The following ZBTB11 variants were observed in gnomAD, a reference collection of about 807,000 sequenced individuals.
ZBTB11 encodes zinc finger and BTB domain containing 11, also known as zinc finger and BTB domain-containing protein 11.
Under a neutral mutation model 113.1 loss-of-function variants are expected in ZBTB11, and 68 were observed. The observed-to-expected ratio is 0.60, with a 90% CI of 0.49 to 0.74. The LOEUF (loss-of-function observed/expected upper bound fraction) is 0.74. ZBTB11 is among the 30% of genes least tolerant of loss of function. The pLI is 0.00. For synonymous variants in ZBTB11, 518 were observed against 452.6 expected (o/e 1.14, Z -1.83); for missense variants, 1,104 against 1,279.4 (o/e 0.86, Z 2.09).
intron 5 of ZBTB11, among the ~76,000 whole-genome samples, chr3:101,663,230 AC>A (rs1414317354): frequency 3.3e-5 from 5 of 151,288 alleles, no homozygotes; most frequent in Non-Finnish European, 4.4e-5. Context: ...GAGCCACCGC[AC>A]CCAGCCAATT....
At chr3:101,655,983 GT>G in intron 7 of ZBTB11, 120 bp downstream of exon 7, 1 of 860,112 alleles carries the variant, frequency 1.2e-6, no homozygotes, top group South Asian at 2.8e-5. Context: ...TTAAAATACT[GT>G]CTCAATACAA....
At chr3:101,660,221 TAAC>T (rs1424248867) in intron 5 of ZBTB11, among the ~76,000 whole-genome samples, 193 bp from the exon 6 acceptor site, 1 of 152,178 alleles carries the variant, frequency 6.6e-6, no homozygotes, top group African/African-American at 2.4e-5. Flanking sequence ...GGCTAAAGTC[TAAC>T]AACAGCACAA....
Position 101,654,689 on chromosome 3 carries a change from A to G in ZBTB11, c.2309+15T>C, listed in dbSNP as rs1251610248. The stretch of plus-strand genomic sequence containing the variant: ...TAATTAAATTAACTGAATGCCTCAC[A>G]TATTGAATACTTACTGAGTACAATG... On this transcript the variant is annotated intron_variant, in intron 8 of 10. Transcript: ENST00000312938. The G allele has an allele frequency of 6.3e-7, 1 of 1,591,816 alleles. No homozygotes were observed. The highest frequency in any genetic ancestry group is 1.1e-5 in the South Asian group (1 of 89,478).
At chr3:101,670,892 G>T (rs2108327081) in intron 3 of ZBTB11, 1 of 447,608 alleles carries the variant, frequency 2.2e-6, no homozygotes, top group East Asian at 3.3e-5. Context: ...TTAAATCCTA[G>T]AAATTCTTTT....
intron 6 of ZBTB11, among the ~76,000 whole-genome samples, chr3:101,656,544 T>C (rs867988517): frequency 3.9e-5 from 6 of 152,170 alleles, no homozygotes; most frequent in Non-Finnish European, 8.8e-5. Context: ...ACAGTATACC[T>C]TATATTAAGA....
rs141886072 is a variant in ZBTB11 at position 101,673,582 on chromosome 3, C to T, written c.311-1369G>A. On this transcript the variant is annotated intron_variant, in intron 1 of 10. Coordinates refer to ENST00000312938, the MANE Select transcript of ZBTB11 (RefSeq NM_014415.4). ...AGGCTGGAGTGCAGTGGTGGGATCC[C>T]GGCTCACTGCAACCTCCGCCTCCTG... is the stretch of plus-strand genomic sequence containing the variant. Among the ~76,000 whole-genome samples the T allele has an allele frequency of 8.9e-3, 1,349 of 151,974 alleles. 20 individuals are homozygous for T. The highest frequency in any genetic ancestry group is 0.031 in the African/African-American group (1,295 of 41,420).
chr3:101,673,553 GC>G (rs1937115569), intron 1 of ZBTB11, among the ~76,000 whole-genome samples: 1 of 150,112 alleles, frequency 6.7e-6, no homozygotes, highest in Non-Finnish European at 1.5e-5. Flanking sequence ...TCTCTCTGTT[GC>G]CCAGGCTGGA....
Position 101,659,930 on chromosome 3 carries a change from C to A in ZBTB11, c.1899G>T (p.Thr633=). The A allele has an allele frequency of 2.5e-6, 4 of 1,614,042 alleles. No homozygotes were observed. The highest frequency in any genetic ancestry group is 3.4e-6 in the Non-Finnish European group (4 of 1,180,002). ...DAPSSSSSNS[T]SNEASGTSSE... is the part of the protein sequence containing the mutation. ...ATGATGTTCCCGATGCTTCATTAGA[C>A]GTGGAATTGGACGAGGATGAAGAGG... The change falls in exon 6 of 11, where the codon ACG becomes ACT. Residue 633 remains threonine (T), a synonymous_variant. Transcript: ENST00000312938.
intron 10 of ZBTB11, 126 bp from the exon 11 acceptor site, chr3:101,651,809 CAA>C: frequency 2.9e-6 from 3 of 1,018,606 alleles, no homozygotes; most frequent in Non-Finnish European, 4.0e-6. Flanking sequence ...TGGACTGTGG[CAA>C]TCTTTTATTT....
At chr3:101,674,032 CTGTT>C (rs1295536668) in intron 1 of ZBTB11, among the ~76,000 whole-genome samples, 6 of 102,744 alleles carry the variant, frequency 5.8e-5, no homozygotes, top group East Asian at 6.0e-4. Context: ...TTCACAGAGA[CTGTT>C]TTTTTTTTTT....
At chr3:101,667,530 C>T (rs986980453) in intron 3 of ZBTB11, among the ~76,000 whole-genome samples, 3 of 152,056 alleles carry the variant, frequency 2.0e-5, no homozygotes, top group African/African-American at 4.8e-5. Flanking sequence ...AAAGAACCCA[C>T]GAAGGATGAA....
chr3:101,666,529 CAT>C (rs1031658983), intron 3 of ZBTB11, among the ~76,000 whole-genome samples: 11 of 152,180 alleles, frequency 7.2e-5, no homozygotes, highest in African/African-American at 2.7e-4. Context: ...TTACTATACA[CAT>C]GAGGTATTAC....
In ZBTB11 at chr3:101,650,293, AGTTT is replaced by A. The variant is rs531913501; in HGVS notation, c.*869_*872del. ...CAAAAGCTGAAAACATACCAAATCTAGTTTGTTTGTTCATTAACTTGTTCATTCT... is the reference window on the plus strand; with the variant it reads ...CAAAAGCTGAAAACATACCAAATCTAGTTTGTTCATTAACTTGTTCATTCT... On this transcript the variant is annotated 3_prime_UTR_variant, in exon 11 of 11. Coordinates refer to ENST00000312938, the MANE Select transcript of ZBTB11 (RefSeq NM_014415.4). The A allele has an allele frequency of 1.4e-4, 21 of 152,410 alleles. No homozygotes were observed. Among genetic ancestry groups the A allele is most frequent in the South Asian group, 1.0e-3 (5 of 4,832 alleles). 9.4% of individuals were successfully genotyped at this position (152,410 alleles called of 1,614,324 possible).
intron 3 of ZBTB11, 58 bp from the exon 4 acceptor site, chr3:101,665,866 G>T: frequency 6.9e-7 from 1 of 1,443,020 alleles, no homozygotes; most frequent in Non-Finnish European, 9.4e-7. Flanking sequence ...AAACAATACA[G>T]AATTATGACA....
chr3:101,655,991 A>G, intron 7 of ZBTB11, 113 bp downstream of exon 7: 1 of 925,890 alleles, frequency 1.1e-6, no homozygotes, highest in Non-Finnish European at 1.5e-6. Context: ...CTGTCTCAAT[A>G]CAAAATTGAG....
At chr3:101,653,195 T>TA (rs1212045119) in intron 8 of ZBTB11, among the ~76,000 whole-genome samples, 1 of 152,230 alleles carries the variant, frequency 6.6e-6, no homozygotes, top group Non-Finnish European at 1.5e-5. Context: ...TTCTCTCTCC[T>TA]AAATTACCCC....
At position 101,665,322 on chromosome 3, in the gene ZBTB11, T is replaced by A; in HGVS notation, c.1265A>T (p.Glu422Val). The change falls in exon 4 of 11, where the codon GAA (glutamate) becomes GTA (valine). Residue 422 changes from glutamate (E) to valine (V), a missense_variant. Coordinates refer to ENST00000312938, the MANE Select transcript of ZBTB11 (RefSeq NM_014415.4). ...VDLITKNNQT[E>V]LETSNNRENN... ...TTCTCTGTTGTTTGAAGTTTCTAGT[T>A]CTGTCTGGTTGTTTTTTGTTATTAA... 1 of 1,614,254 alleles carries A rather than the reference T, an allele frequency of 6.2e-7. No individual in the cohort carries two copies. The highest frequency in any genetic ancestry group is 8.5e-7 in the Non-Finnish European group (1 of 1,180,048).
At chr3:101,660,565 CTTTGTT>C (rs1936870997) in intron 5 of ZBTB11, among the ~76,000 whole-genome samples, 1 of 152,166 alleles carries the variant, frequency 6.6e-6, no homozygotes, top group African/African-American at 2.4e-5. Context: ...TTATCTCTGA[CTTTGTT>C]TTTAAGTGCA....
rs1936672637 is a variant in ZBTB11, at chr3:101,650,099, T to G, written c.*1067A>C. 1 of 152,248 alleles carries G rather than the reference T, an allele frequency of 6.6e-6. No homozygotes were observed. The highest frequency in any genetic ancestry group is 2.1e-4 in the South Asian group (1 of 4,834). 9.4% of individuals were successfully genotyped at this position (152,248 alleles called of 1,614,324 possible). A position where few individuals can be genotyped will look rare whatever the true frequency, so the allele number is the denominator to read the frequency against. On this transcript the variant is annotated 3_prime_UTR_variant, in exon 11 of 11. Coordinates refer to ENST00000312938, the MANE Select transcript of ZBTB11 (RefSeq NM_014415.4). ...TATCTTCAACAATTTAGTGGAACTG[T>G]AATCAATTTCTTCAAGTATGATACT...
Sources: allele counts gnomAD v4.1 joint callset (sites outside exome capture counted in the v4.1 genomes callset), GRCh38; gene constraint gnomAD v4.1.1; transcripts MANE v1.5; gene names NCBI Gene and HGNC (gene_info 2026-07-23, HGNC 2026-07-21).